FAM221B: variants seen among roughly 807,000 people sequenced by gnomAD.
FAM221B encodes the protein protein FAM221B.
Under a neutral mutation model 39.8 loss-of-function variants are expected in FAM221B, and 35 were observed. That is an observed-to-expected ratio of 0.88 (90% CI 0.67 to 1.17). The LOEUF (loss-of-function observed/expected upper bound fraction) is 1.17, where lower values mean the gene tolerates loss of function less well. Among genes scored for constraint, FAM221B ranks in the 50% most tolerant of loss-of-function variants. The probability of loss-of-function intolerance (pLI) is 0.00; values close to 1 mark genes in which losing one functional copy is unlikely to be tolerated. For missense variants in FAM221B, 479 were observed against 503.1 expected (o/e 0.95, Z 0.46); for synonymous variants, 158 against 178.1 (o/e 0.89, Z 0.90).
At chr9:35,827,985 A>G (rs2132161356) in intron 1 of FAM221B, among the ~76,000 whole-genome samples, 1 of 152,138 alleles carries the variant, frequency 6.6e-6, no homozygotes, top group East Asian at 1.9e-4. Flanking sequence ...GGAGGAGGAG[A>G]GTAAGGATGA....
chr9:35,828,493 C>T lies in FAM221B; in HGVS notation c.-31G>A, dbSNP rs767521807. ...GGGCTTTGGCTTGGTTGTTACAAGT[C>T]CTTAGGTCAAGACCTTGACTTAGGA... On this transcript the variant is annotated 5_prime_UTR_variant, in exon 1 of 7. Coordinates refer to ENST00000423537, the MANE Select transcript of FAM221B (RefSeq NM_001012446.4). This position sits in a 1 kb window ranked among gnomAD's most constrained non-coding sequence, Gnocchi z 4.5. The T allele has an allele frequency of 1.8e-5, 18 of 985,418 alleles. No individual in the cohort carries two copies. Among genetic ancestry groups the T allele is most frequent in the Non-Finnish European group, 2.0e-5 (17 of 829,956 alleles). The allele number at this position is 985,418 out of a possible 1,614,324, so 61.0% of individuals were successfully genotyped here. A position where few individuals can be genotyped will look rare whatever the true frequency, so the allele number is the denominator to read the frequency against.
At chr9:35,818,650 A>G (rs2281646) in intron 6 of FAM221B, 144 bp from the exon 7 acceptor site, 864,125 of 968,066 alleles carry the variant, frequency 0.89, 389,115 homozygotes, top group Non-Finnish European at 0.93. Flanking sequence ...TGCAGGGCCT[A>G]GAAGTCAGAG....
chr9:35,827,692 G>C (rs1203976998), intron 1 of FAM221B, among the ~76,000 whole-genome samples: 1 of 152,202 alleles, frequency 6.6e-6, no homozygotes, highest in Non-Finnish European at 1.5e-5. Context: ...CTTGGCCCTG[G>C]CATTCAAGGC....
At chr9:35,827,491 CA>C (rs1321527625) in intron 1 of FAM221B, among the ~76,000 whole-genome samples, 1 of 152,140 alleles carries the variant, frequency 6.6e-6, no homozygotes, top group Non-Finnish European at 1.5e-5. Context: ...AATGGCAATA[CA>C]AATAAATTGA....
In FAM221B at chr9:35,819,374, C is replaced by T. The variant is rs115621078; in HGVS notation, c.874G>A (p.Val292Ile). The change falls in exon 5 of 7, where the codon GTA becomes ATA. Residue 292 changes from valine (V) to isoleucine (I), a missense_variant. Transcript: ENST00000423537. ...IISDISVPCK[V>I]SQCRCFMFCF... Reference sequence around the variant, plus strand: ...AACATGAAGCAGCGGCACTGGCTTACCTTGCAGGGCACCGATATGTCTGTG... The same window carrying T: ...AACATGAAGCAGCGGCACTGGCTTATCTTGCAGGGCACCGATATGTCTGTG... The T allele has an allele frequency of 1.9e-3, 2,921 of 1,551,648 alleles. 29 individuals carry two copies. The African/African-American group carries it at 0.035, about 18-fold the overall frequency.
chr9:35,818,597 G>A (rs1340280089), intron 6 of FAM221B, 91 bp from the exon 7 acceptor site: 1 of 1,334,774 alleles, frequency 7.5e-7, no homozygotes, highest in Non-Finnish European at 1.1e-6. Context: ...GGAGCCCCGG[G>A]GGACTAGGGT....
At chr9:35,826,757 C>A (rs1829380506) in intron 1 of FAM221B, 1 of 153,002 alleles carries the variant, frequency 6.5e-6, no homozygotes, top group South Asian at 2.1e-4. Context: ...TAGCTCAGAC[C>A]TTTTTCAACC....
At position 35,819,232 on chromosome 9, in the gene FAM221B, T is replaced by G; in HGVS notation, c.1016A>C (p.His339Pro). ...GCAGGGATGGGGCCCAGTGGCTGCA[T>G]GTTCTTCGTGGCTGTGTTTGCAGCG... Reference protein sequence around the residue: ...QCRCKHSHEEHAATGPHPCRH... With the variant: ...QCRCKHSHEEPAATGPHPCRH... The change falls in exon 5 of 7, where the codon CAT becomes CCT. Residue 339 changes from histidine (H) to proline (P), a missense_variant. Coordinates refer to ENST00000423537, the MANE Select transcript of FAM221B (RefSeq NM_001012446.4). 6.4e-7 allele frequency: 1 copy of G among 1,551,720 alleles called. No homozygotes were observed. The highest frequency in any genetic ancestry group is 8.7e-7 in the Non-Finnish European group (1 of 1,146,988).
rs767820159 is a variant in FAM221B at position 35,825,595 on chromosome 9, A to T, written c.567T>A (p.Thr189=). The change falls in exon 2 of 7, where the codon ACT becomes ACA. Residue 189 remains threonine, a synonymous_variant. Coordinates refer to ENST00000423537, the MANE Select transcript of FAM221B (RefSeq NM_001012446.4). The surrounding 1 kb of genome is among the most constrained non-coding windows in gnomAD (Gnocchi z 4.2). ...VEKGVDASDS[T]AHTAQPGHQL... ...GGTGTCCAGGTTGGGCTGTGTGAGC[A>T]GTGCTGTCACTGGCATCTACTCCCT... is the stretch of plus-strand genomic sequence containing the variant. 3 of 1,613,506 alleles carry T rather than the reference A, an allele frequency of 1.9e-6. No homozygotes were observed. The highest frequency in any genetic ancestry group is 2.2e-5 in the South Asian group (2 of 90,992).
At chr9:35,819,543 A>G in intron 4 of FAM221B, 149 bp from the exon 5 acceptor site, 1 of 728,466 alleles carries the variant, frequency 1.4e-6, no homozygotes. Flanking sequence ...CCCAGGCTGG[A>G]GTGCAGTGGC....
At chr9:35,820,822 G>T (rs2132140426) in intron 3 of FAM221B, among the ~76,000 whole-genome samples, 1 of 152,324 alleles carries the variant, frequency 6.6e-6, no homozygotes, top group East Asian at 1.9e-4. Flanking sequence ...GTTCAGCAGT[G>T]AGGTCTGAAT....
In FAM221B at chr9:35,826,137, C is replaced by T. The variant is rs753385887; in HGVS notation, c.25G>A (p.Glu9Lys). ...TCTGCATCCATGGTGATATGAGGCT[C>T]TTCTATGATCTCATGTGCTTCCATC... MEAHEIIE[E>K]PHITMDAEKH... The change falls in exon 2 of 7, where the codon GAG becomes AAG. Residue 9 changes from glutamate (E) to lysine (K), a missense_variant. Physicochemically the swap from Glu to Lys is moderately conservative, Grantham distance 56 (BLOSUM62 1). Coordinates refer to ENST00000423537, the MANE Select transcript of FAM221B (RefSeq NM_001012446.4). 2.1e-5 allele frequency: 33 copies of T among 1,597,232 alleles called. No individual in the cohort carries two copies. Among genetic ancestry groups the T allele is most frequent in the Non-Finnish European group, 2.8e-5 (33 of 1,173,274 alleles).
At chr9:35,827,768 C>A (rs940832879) in intron 1 of FAM221B, among the ~76,000 whole-genome samples, 1 of 152,190 alleles carries the variant, frequency 6.6e-6, no homozygotes, top group Non-Finnish European at 1.5e-5. Context: ...TACTTTACCC[C>A]CATGTTCCAG....
In FAM221B at chr9:35,825,275, G is replaced by T; in HGVS notation, c.697C>A (p.Leu233Ile). ...GCTGCATCCTTCTCCCACTGGAAAA[G>T]ATTGTTCACTTGAGCACCAAACTCC... ...REEFGAQVNN[L>I]FQWEKDAALN... is the part of the protein sequence containing the mutation. Residue 233 changes from leucine to isoleucine, a missense_variant, in exon 3 of 7, where the codon CTT (leucine) becomes ATT (isoleucine). Leu to Ile is a conservative substitution (Grantham distance 5). Transcript: ENST00000423537. This position sits in a 1 kb window ranked among gnomAD's most constrained non-coding sequence, Gnocchi z 4.2. 1 of 1,614,240 alleles carries T rather than the reference G, an allele frequency of 6.2e-7. No homozygotes were observed. Among genetic ancestry groups the T allele is most frequent in the Non-Finnish European group, 8.5e-7 (1 of 1,180,044 alleles).
Position 35,825,361 on chromosome 9 carries a change from C to A in FAM221B, c.611G>T (p.Arg204Leu), listed in dbSNP as rs781726259. The change falls in exon 3 of 7, where the codon CGC (arginine) becomes CTC (leucine). Residue 204 changes from arginine (R) to leucine (L), a missense_variant. Transcript: ENST00000423537. This position sits in a 1 kb window ranked among gnomAD's most constrained non-coding sequence, Gnocchi z 4.2. ...TGTCTGCCTAGCAGGGAACACTGGG[C>A]GGGCTGTGTTACCTAGGATGGGAGA... ...QPGHQLGNTA[R>L]PVFPARQTEL... 6.2e-7 allele frequency: 1 copy of A among 1,614,092 alleles called. No homozygotes were observed. The highest frequency in any genetic ancestry group is 8.5e-7 in the Non-Finnish European group (1 of 1,180,032).
chr9:35,827,658 G>A (rs1829428900), intron 1 of FAM221B, among the ~76,000 whole-genome samples: 1 of 152,224 alleles, frequency 6.6e-6, no homozygotes, highest in Non-Finnish European at 1.5e-5. Flanking sequence ...CCATGACTCA[G>A]TCTAAAGGAT....
At chr9:35,826,324 A>G (rs1480010035) in intron 1 of FAM221B, among the ~76,000 whole-genome samples, 163 bp from the exon 2 acceptor site, 1 of 152,220 alleles carries the variant, frequency 6.6e-6, no homozygotes, top group Non-Finnish European at 1.5e-5. Context: ...CTAGAGTGTG[A>G]TGCCAAAAGG....
rs568158677 is a variant in FAM221B at position 35,821,467 on chromosome 9, T to A, written c.743-1467A>T. 6.6e-6 allele frequency: 9 copies of A among 1,367,948 alleles called. No individual in the cohort carries two copies. The African/African-American group carries it at 1.2e-4, about 18-fold the overall frequency. The allele number at this position is 1,367,948 out of a possible 1,614,324, so 84.7% of individuals were successfully genotyped here. On this transcript the variant is annotated intron_variant, in intron 3 of 6. Coordinates refer to ENST00000423537, the MANE Select transcript of FAM221B (RefSeq NM_001012446.4). ...AGTCTGTCAGGATCTAAAGCCTGTCTAGATGTGGCTTTTGGCTTTGCTTCT... is the reference window on the plus strand; with the variant it reads ...AGTCTGTCAGGATCTAAAGCCTGTCAAGATGTGGCTTTTGGCTTTGCTTCT...
In FAM221B at chr9:35,818,524, A is replaced by C. The variant is rs1406557978; in HGVS notation, c.1172-18T>G. ...GTCTGTCCCTGGAGGAAGAAAGAGC[A>C]GAGGTGAAAGGGTCAGGTATGGGGG... On this transcript the variant is annotated intron_variant, in intron 6 of 6. Transcript: ENST00000423537. 6.4e-7 allele frequency: 1 copy of C among 1,551,564 alleles called. No individual in the cohort carries two copies. Among genetic ancestry groups the C allele is most frequent in the Admixed American group, 2.0e-5 (1 of 51,004 alleles).
Sources: gnomAD v4.1 joint callset for allele counts (sites outside exome capture counted in the v4.1 genomes callset) on GRCh38, gnomAD v4.1.1 for gene constraint, Gnocchi (gnomAD v3.1) non-coding constraint, MANE v1.5 for transcripts, NCBI Gene and HGNC (gene_info 2026-07-23, HGNC 2026-07-21) for gene names.